GSE1: variants seen among roughly 807,000 people sequenced by gnomAD.
The protein encoded by GSE1 is genetic suppressor element 1.
In GSE1, 32 loss-of-function variants were observed where a neutral mutation model predicts 112.6. The ratio of observed to expected loss-of-function variants is 0.28; its 90% CI spans 0.21 to 0.38. GSE1 has a LOEUF of 0.38. Among genes scored for constraint, GSE1 ranks in the 10% least tolerant of loss-of-function variants. GSE1 has a pLI of 1.00. For missense variants in GSE1, 2,348 were observed against 1,699.2 expected, an observed-to-expected ratio of 1.38 and a Z score of -6.71; for synonymous variants, 1,115 against 735.6, an observed-to-expected ratio of 1.52 and a Z score of -8.35.
intron 2 of GSE1, among the ~76,000 whole-genome samples, chr16:85,504,465 C>G (rs890772321): frequency 1.3e-5 from 2 of 152,336 alleles, no homozygotes; most frequent in Admixed American, 1.3e-4. Flanking sequence ...TGTGTGTCTT[C>G]TGACTCACCA....
intron 1 of GSE1, among the ~76,000 whole-genome samples, chr16:85,323,521 G>C (rs993398010): frequency 5.9e-5 from 9 of 152,196 alleles, no homozygotes; most frequent in Admixed American, 5.9e-4. Context: ...GAGGGGGCGA[G>C]TTGCCAGGTG....
chr16:85,238,825 C>G (rs28533727), intron 1 of GSE1, among the ~76,000 whole-genome samples: 1 of 152,202 alleles, frequency 6.6e-6, no homozygotes, highest in Non-Finnish European at 1.5e-5. Context: ...ATCCACAGGG[C>G]TCCTTCCTTC....
intron 1 of GSE1, among the ~76,000 whole-genome samples, chr16:85,232,352 C>G (rs1904295459): frequency 1.3e-5 from 2 of 152,188 alleles, no homozygotes; most frequent in African/African-American, 4.8e-5. Context: ...CCCCTCGGAC[C>G]TCCACCTTCC....
intron 1 of GSE1, among the ~76,000 whole-genome samples, chr16:85,182,289 G>A (rs1042093452): frequency 2.6e-5 from 4 of 152,202 alleles, no homozygotes; most frequent in Admixed American, 1.3e-4. Context: ...ACCCCAGGGC[G>A]TGCAGAATGG....
chr16:85,512,727 C>T (rs553669680), intron 2 of GSE1, among the ~76,000 whole-genome samples: 6 of 152,130 alleles, frequency 3.9e-5, no homozygotes, highest in Non-Finnish European at 7.3e-5. Context: ...AAAGCGCTCC[C>T]ATCACCCAGG....
chr16:85,490,097 G>T (rs2050962715), intron 2 of GSE1: 1 of 152,422 alleles, frequency 6.6e-6, no homozygotes, highest in Admixed American at 6.5e-5. Flanking sequence ...CTGTGTTATG[G>T]TGGGCCCTGG....
intron 5 of GSE1, among the ~76,000 whole-genome samples, chr16:85,655,391 G>A (rs1047974510): frequency 6.6e-6 from 1 of 152,176 alleles, no homozygotes; most frequent in Admixed American, 6.5e-5. Context: ...AGGTCAGAGG[G>A]GCCTGTAGTC....
rs1054737961 is a variant in GSE1, at chr16:85,287,010, C to T, written c.2284-70453C>T. 4.6e-5 allele frequency among the ~76,000 whole-genome samples: 7 copies of T among 152,304 alleles called. No individual in the cohort carries two copies. The East Asian group carries it at 7.7e-4, about 17-fold the overall frequency. On this transcript the variant is annotated intron_variant, in intron 1 of 2. Coordinates refer to the GSE1 transcript ENST00000637419. ...CTCCAGCGGGTCACTCTGCCCGCCC[C>T]GGGTGCCGCCCGCCACAGCTGGACT...
At chr16:85,231,966 G>A (rs907964998) in intron 1 of GSE1, among the ~76,000 whole-genome samples, 2 of 152,240 alleles carry the variant, frequency 1.3e-5, no homozygotes, top group Non-Finnish European at 2.9e-5. Flanking sequence ...TGACCGCCAT[G>A]AATGCCAGTG....
At chr16:85,442,167 C>G (rs987360577) in intron 2 of GSE1, among the ~76,000 whole-genome samples, 2 of 152,354 alleles carry the variant, frequency 1.3e-5, no homozygotes, top group Middle Eastern at 6.8e-3. Flanking sequence ...GCCGTCGTTT[C>G]AGGCCTCAGC....
rs1220972487 is a variant in GSE1 at position 85,311,278 on chromosome 16, C to T, written c.2284-46185C>T. 2.0e-5 allele frequency among the ~76,000 whole-genome samples: 3 copies of T among 152,210 alleles called. No homozygotes were observed. Among genetic ancestry groups the T allele is most frequent in the African/African-American group, 7.2e-5 (3 of 41,468 alleles). ...AGCCTAGCCACGGAGAGAGGGTGTG[C>T]CATCCTCTCTGCCAGGCAGCGGGCT... On this transcript the variant is annotated intron_variant, in intron 1 of 2. Transcript: ENST00000637419. The surrounding 1 kb of genome is among the most constrained non-coding windows in gnomAD (Gnocchi z 4.2).
At chr16:85,624,952 G>T (rs943567500) in intron 1 of GSE1, among the ~76,000 whole-genome samples, 1 of 152,176 alleles carries the variant, frequency 6.6e-6, no homozygotes, top group African/African-American at 2.4e-5. Flanking sequence ...TTGCTTTCTG[G>T]GGTCTGCTTA....
In GSE1 at chr16:85,648,635, C is replaced by T. The variant is rs374934041; in HGVS notation, c.310C>T (p.Pro104Ser). 12 of 1,604,946 alleles carry T rather than the reference C, an allele frequency of 7.5e-6. No individual in the cohort carries two copies. The Admixed American group carries it at 8.4e-5, about 11-fold the overall frequency. ...CCCCGCCAGCACACCCAAGCGCGTGCCCATGGGCCCTATCATCGTCCCCCC... is the reference window on the plus strand; with the variant it reads ...CCCCGCCAGCACACCCAAGCGCGTGTCCATGGGCCCTATCATCGTCCCCCC... ...SSPASTPKRV[P>S]MGPIIVPPGG... Residue 104 changes from proline (P) to serine (S), a missense_variant, in exon 3 of 16, where the codon CCC becomes TCC. Physicochemically the swap from Pro to Ser is moderately conservative, Grantham distance 74. Transcript: ENST00000253458.
intron 1 of GSE1, among the ~76,000 whole-genome samples, chr16:85,617,046 C>T (rs1265644366): frequency 2.0e-5 from 3 of 152,220 alleles, no homozygotes; most frequent in South Asian, 2.1e-4. Flanking sequence ...CGAAACCACA[C>T]GCCATTCTCG....
At chr16:85,350,785 T>C (rs889410630) in intron 1 of GSE1, among the ~76,000 whole-genome samples, 2 of 152,210 alleles carry the variant, frequency 1.3e-5, no homozygotes, top group African/African-American at 4.8e-5. Flanking sequence ...GTCACTATCA[T>C]TTTTTCTTCG....
intron 2 of GSE1, among the ~76,000 whole-genome samples, chr16:85,538,182 G>C (rs1254734523): frequency 6.6e-6 from 1 of 152,228 alleles, no homozygotes; most frequent in East Asian, 1.9e-4. Flanking sequence ...GGCCACCCTA[G>C]AGCCACCTGT....
At chr16:85,579,489 C>A (rs1248326932) in intron 1 of GSE1, among the ~76,000 whole-genome samples, 5 of 152,196 alleles carry the variant, frequency 3.3e-5, no homozygotes, top group Non-Finnish European at 7.3e-5. Context: ...CGCTGGGCAG[C>A]CTGTGTCTGC....
intron 1 of GSE1, among the ~76,000 whole-genome samples, chr16:85,224,576 A>C (rs563690923): frequency 6.6e-6 from 1 of 152,114 alleles, no homozygotes; most frequent in African/African-American, 2.4e-5. Flanking sequence ...TTGAGCATCT[A>C]CTATGTGCCG....
At chr16:85,286,887 T>G (rs539926678) in intron 1 of GSE1, among the ~76,000 whole-genome samples, 1 of 152,298 alleles carries the variant, frequency 6.6e-6, no homozygotes, top group African/African-American at 2.4e-5. Context: ...TCCCATAGTA[T>G]GGGCTCCGTG....
Sources: allele counts gnomAD v4.1 joint callset (sites outside exome capture counted in the v4.1 genomes callset), GRCh38; gene constraint gnomAD v4.1.1; non-coding constraint Gnocchi (gnomAD v3.1); transcripts MANE v1.5; gene names NCBI Gene and HGNC (gene_info 2026-07-23, HGNC 2026-07-21).